The following CDH12 variants were observed in gnomAD, a reference collection of about 807,000 sequenced individuals.
The protein encoded by CDH12 is cadherin-12.
In CDH12, 41 loss-of-function variants were observed where a neutral mutation model predicts 74.1. The observed-to-expected ratio is 0.55, with a 90% CI of 0.43 to 0.72. CDH12 has a LOEUF of 0.72. Among genes scored for constraint, CDH12 ranks in the 30% least tolerant of loss-of-function variants. The pLI is 0.00. For missense variants in CDH12, 945 were observed against 977.2 expected, an observed-to-expected ratio of 0.97 and a Z score of 0.44; for synonymous variants, 399 against 355.0, an observed-to-expected ratio of 1.12 and a Z score of -1.39.
intron 11 of CDH12, among the ~76,000 whole-genome samples, chr5:21,777,658 T>C (rs1027373405): frequency 6.6e-6 from 1 of 152,046 alleles, no homozygotes; most frequent in Non-Finnish European, 1.5e-5. Context: ...ATTCAGCTAA[T>C]TTTTGTGTTT....
intron 6 of CDH12, among the ~76,000 whole-genome samples, chr5:21,894,945 G>A (rs1365284182): frequency 1.3e-5 from 2 of 151,410 alleles, no homozygotes; most frequent in African/African-American, 2.4e-5. Context: ...CAATTAAAAT[G>A]TGAAGGGAAA....
chr5:21,845,170 T>C (rs1160522997), intron 7 of CDH12, among the ~76,000 whole-genome samples: 1 of 152,188 alleles, frequency 6.6e-6, no homozygotes, highest in Non-Finnish European at 1.5e-5. Context: ...ACTTGAATCC[T>C]AGTCTAGGAT....
chr5:22,702,938 C>A (rs956774729), intron 1 of CDH12, among the ~76,000 whole-genome samples: 3 of 152,098 alleles, frequency 2.0e-5, no homozygotes, highest in Admixed American at 6.6e-5. Flanking sequence ...CTGCAATAAG[C>A]AGTCTTTTTC....
intron 3 of CDH12, among the ~76,000 whole-genome samples, chr5:22,240,164 A>G (rs1752695830): frequency 6.6e-6 from 1 of 152,148 alleles, no homozygotes; most frequent in Admixed American, 6.5e-5. Flanking sequence ...TCTTTTTGCA[A>G]TACTTAGATG....
rs896983443 is a variant in CDH12, at chr5:21,916,893, GGCTC to G, written c.526+58194_526+58197del. Among the ~76,000 whole-genome samples, 13 of 152,228 alleles carry G rather than the reference GGCTC, an allele frequency of 8.5e-5. No individual in the cohort carries two copies. The South Asian group carries it at 1.7e-3, about 19-fold the overall frequency. On this transcript the variant is annotated intron_variant, in intron 6 of 14. Coordinates refer to ENST00000382254, the MANE Select transcript of CDH12 (RefSeq NM_004061.5). ...TGCTTTAATGAGTTTCACTCACGTA[GGCTC>G]TCTATCTGTGGACATTCTTAGTAAA...
At chr5:22,247,651 G>C (rs1580445193) in intron 3 of CDH12, among the ~76,000 whole-genome samples, 1 of 147,728 alleles carries the variant, frequency 6.8e-6, no homozygotes, top group African/African-American at 2.5e-5. Flanking sequence ...CTCCAGCCTG[G>C]GCGACAGAGT....
At chr5:22,054,076 A>T (rs982454342) in intron 5 of CDH12, among the ~76,000 whole-genome samples, 9 of 151,882 alleles carry the variant, frequency 5.9e-5, no homozygotes. Flanking sequence ...ATGTCCTATG[A>T]TGATGTAGTT....
At chr5:22,484,948 G>A (rs55665746) in intron 2 of CDH12, among the ~76,000 whole-genome samples, 1,805 of 152,088 alleles carry the variant, frequency 0.012, 31 homozygotes, top group African/African-American at 0.042. Flanking sequence ...TTCTTCAAGG[G>A]TCTTTGGATA....
chr5:21,752,334 G>A (rs560510487), intron 14 of CDH12, 98 bp from the exon 15 acceptor site: 44 of 972,950 alleles, frequency 4.5e-5, no homozygotes, highest in South Asian at 9.9e-5. Flanking sequence ...GCTGAGTTTC[G>A]TGAATGACCT....
intron 1 of CDH12, among the ~76,000 whole-genome samples, chr5:22,743,275 T>TAC: frequency 6.9e-6 from 1 of 145,926 alleles, no homozygotes; most frequent in Non-Finnish European, 1.5e-5. Context: ...TATATATATA[T>TAC]ATATATGTAT....
At chr5:22,802,898 T>C (rs1022804853) in intron 1 of CDH12, among the ~76,000 whole-genome samples, 3 of 152,200 alleles carry the variant, frequency 2.0e-5, no homozygotes, top group Non-Finnish European at 4.4e-5. Flanking sequence ...TATTTTTGTT[T>C]AATATGGAAG....
rs1411547176 is a variant in CDH12 at position 22,817,154 on chromosome 5, G to A, written c.-523+35904C>T. Among the ~76,000 whole-genome samples the A allele has an allele frequency of 4.6e-5, 7 of 151,968 alleles. No individual in the cohort carries two copies. The East Asian group carries it at 5.8e-4, about 13-fold the overall frequency. ...AATGTATTTTATTCATATTAGAAAT[G>A]TATTATATAATGAAGCTCCTTTTGT... On this transcript the variant is annotated intron_variant, in intron 1 of 14. Coordinates refer to ENST00000382254, the MANE Select transcript of CDH12 (RefSeq NM_004061.5).
chr5:21,860,153 ACTTTTT>A (rs1300099881), intron 6 of CDH12, among the ~76,000 whole-genome samples: 1 of 152,064 alleles, frequency 6.6e-6, no homozygotes, highest in African/African-American at 2.4e-5. Flanking sequence ...TGTCATGAAT[ACTTTTT>A]CTTTATTTTG....
At chr5:22,428,105 C>T (rs963070885) in intron 2 of CDH12, among the ~76,000 whole-genome samples, 3 of 151,856 alleles carry the variant, frequency 2.0e-5, no homozygotes, top group African/African-American at 7.3e-5. Context: ...TGTATAACAG[C>T]TTTCTTTGAG....
At chr5:22,105,465 A>C in intron 4 of CDH12, among the ~76,000 whole-genome samples, 1 of 148,626 alleles carries the variant, frequency 6.7e-6, no homozygotes, top group African/African-American at 2.4e-5. Context: ...TGGGAGGCCA[A>C]GGAGGGAGGA....
At chr5:21,758,122 G>C (rs932539641) in intron 13 of CDH12, among the ~76,000 whole-genome samples, 6 of 152,014 alleles carry the variant, frequency 3.9e-5, no homozygotes, top group Non-Finnish European at 8.8e-5. Context: ...TTCTGGATAG[G>C]GTCCTCATAT....
At chr5:22,258,410 C>G (rs1753395415) in intron 3 of CDH12, among the ~76,000 whole-genome samples, 1 of 152,030 alleles carries the variant, frequency 6.6e-6, no homozygotes, top group Non-Finnish European at 1.5e-5. Context: ...AGCTATGATC[C>G]CAAGCACAGG....
intron 3 of CDH12, among the ~76,000 whole-genome samples, chr5:22,382,704 T>G (rs941170743): frequency 6.6e-6 from 1 of 152,154 alleles, no homozygotes; most frequent in African/African-American, 2.4e-5. Flanking sequence ...GAAGCATCCC[T>G]TTATTTGTAA....
chr5:22,844,099 G>T (rs1011754442), intron 1 of CDH12, among the ~76,000 whole-genome samples: 1 of 152,024 alleles, frequency 6.6e-6, no homozygotes, highest in African/African-American at 2.4e-5. Context: ...CTGTCATTCT[G>T]TTCCGGAAGA....
Sources: gnomAD v4.1 joint callset for allele counts (sites outside exome capture counted in the v4.1 genomes callset) on GRCh38, gnomAD v4.1.1 for gene constraint, MANE v1.5 for transcripts, NCBI Gene and HGNC (gene_info 2026-07-23, HGNC 2026-07-21) for gene names.